Variants in CCDC33 observed in about 807,000 individuals in gnomAD.
CCDC33 encodes coiled-coil domain containing 33.
A neutral mutation model predicts 91.9 loss-of-function variants in CCDC33; 94 were observed. The ratio of observed to expected loss-of-function variants is 1.02; its 90% CI spans 0.87 to 1.21. The LOEUF (loss-of-function observed/expected upper bound fraction) is 1.21, where lower values mean the gene tolerates loss of function less well. Ranked by LOEUF, CCDC33 falls within the 50% of genes most tolerant of loss-of-function variation. The pLI is 0.00. For missense variants in CCDC33, 940 were observed against 935.5 expected (o/e 1.00, Z -0.06); for synonymous variants, 396 against 374.5 (o/e 1.06, Z -0.66).
chr15:74,302,360 G>A (rs1596071395), intron 11 of CCDC33: 1 of 152,232 alleles, frequency 6.6e-6, no homozygotes, highest in East Asian at 1.9e-4. Context: ...GCCAGAGGTG[G>A]GCTCGGTCCT....
At chr15:74,230,585 C>A (rs971013955) in intron 2 of CCDC33, among the ~76,000 whole-genome samples, 3 of 152,190 alleles carry the variant, frequency 2.0e-5, no homozygotes, top group African/African-American at 4.8e-5. Flanking sequence ...AATCCATAAA[C>A]GTGCCTGCTA....
intron 2 of CCDC33, chr15:74,221,135 T>G (rs1262617498): frequency 6.7e-6 from 6 of 895,826 alleles, no homozygotes; most frequent in Non-Finnish European, 8.0e-6. Context: ...GATCAGGCAT[T>G]TCAACAATTG....
At chr15:74,329,156 A>C (rs896812389) in intron 11 of CCDC33, among the ~76,000 whole-genome samples, 1 of 151,070 alleles carries the variant, frequency 6.6e-6, no homozygotes, top group African/African-American at 2.5e-5. Context: ...TAGCCTATTA[A>C]TTTTCATATA....
chr15:74,324,423 C>A (rs908574596), intron 11 of CCDC33, among the ~76,000 whole-genome samples: 6 of 151,956 alleles, frequency 3.9e-5, no homozygotes, highest in Non-Finnish European at 5.9e-5. Flanking sequence ...CTTTGTGTCC[C>A]ATTCAGACCA....
At chr15:74,334,900 G>T in intron 17 of CCDC33, 75 bp from the exon 18 acceptor site, 1 of 1,214,066 alleles carries the variant, frequency 8.2e-7, no homozygotes, top group Non-Finnish European at 1.2e-6. Context: ...GCAGGCTCAG[G>T]CCCTGGTTGT....
intron 18 of CCDC33, 170 bp from the exon 19 acceptor site, chr15:74,335,755 G>A (rs2060553163): frequency 3.2e-6 from 2 of 622,960 alleles, no homozygotes; most frequent in Admixed American, 5.1e-5. Flanking sequence ...GGGACCCTTG[G>A]AGAAATTAGG....
chr15:74,230,681 A>G (rs892703098), intron 2 of CCDC33, among the ~76,000 whole-genome samples: 2 of 152,222 alleles, frequency 1.3e-5, no homozygotes, highest in African/African-American at 4.8e-5. Flanking sequence ...AGCTTGGGCC[A>G]GAGGTGCTCC....
At chr15:74,324,020 G>C (rs2060258350) in intron 11 of CCDC33, among the ~76,000 whole-genome samples, 1 of 150,862 alleles carries the variant, frequency 6.6e-6, no homozygotes, top group South Asian at 2.1e-4. Context: ...CTGAACCCGG[G>C]AGGCGGTTAC....
intron 11 of CCDC33, among the ~76,000 whole-genome samples, chr15:74,325,189 C>G (rs986924497): frequency 1.3e-5 from 2 of 152,000 alleles, no homozygotes; most frequent in Non-Finnish European, 2.9e-5. Context: ...AGGCATCTTG[C>G]CACAAACCCC....
chr15:74,314,384 G>A (rs1257109688), intron 11 of CCDC33, among the ~76,000 whole-genome samples: 2 of 152,244 alleles, frequency 1.3e-5, no homozygotes, highest in Non-Finnish European at 2.9e-5. Flanking sequence ...CTTGGCCTGG[G>A]TGGGGGAAAG....
intron 2 of CCDC33, among the ~76,000 whole-genome samples, chr15:74,222,408 T>TGG (rs201976476): frequency 3.0e-3 from 1 of 338 alleles, no homozygotes; most frequent in African/African-American, 0.012. Flanking sequence ...AGGGGTGCAC[T>TGG]GCTCCTCCCT....
intron 2 of CCDC33, among the ~76,000 whole-genome samples, chr15:74,258,756 G>A (rs1489046878): frequency 6.6e-6 from 1 of 152,164 alleles, no homozygotes; most frequent in African/African-American, 2.4e-5. Context: ...CAAATCCCAT[G>A]CTTTTCCGAT....
chr15:74,334,991 G>C lies in CCDC33; in HGVS notation c.2042G>C (p.Arg681Pro), dbSNP rs767348207. 6.2e-7 allele frequency: 1 copy of C among 1,614,040 alleles called. No homozygotes were observed. The highest frequency in any genetic ancestry group is 8.5e-7 in the Non-Finnish European group (1 of 1,179,940). The change falls in exon 18 of 19, where the codon CGA becomes CCA. Residue 681 changes from arginine (R) to proline (P), a missense_variant. Arg to Pro is a moderately radical substitution (Grantham distance 103, BLOSUM62 -2). Coordinates refer to ENST00000398814, the MANE Select transcript of CCDC33 (RefSeq NM_025055.5). ...TGTCTGCAGTTAGAGGACTCAGCTC[G>C]ACGCTGGGGACGAGAGAAGCAGGAT... ...SLESQLEDSA[R>P]RWGREKQDLA...
intron 11 of CCDC33, among the ~76,000 whole-genome samples, chr15:74,317,905 T>G (rs1241321454): frequency 2.0e-5 from 2 of 98,498 alleles, no homozygotes; most frequent in African/African-American, 3.3e-5. Context: ...TTTTTTTTTT[T>G]TTTTTGCTTC....
intron 11 of CCDC33, chr15:74,318,792 G>T: frequency 1.6e-6 from 1 of 642,314 alleles, no homozygotes; most frequent in South Asian, 1.8e-5. Flanking sequence ...GGGTGGAGAG[G>T]ACCAGGGCTT....
At chr15:74,320,383 C>G (rs2060181704) in intron 11 of CCDC33, among the ~76,000 whole-genome samples, 1 of 152,136 alleles carries the variant, frequency 6.6e-6, no homozygotes, top group African/African-American at 2.4e-5. Context: ...TCCACCCCTC[C>G]CCTGCAGGAT....
At chr15:74,283,516 A>C (rs1596024632) in intron 10 of CCDC33, among the ~76,000 whole-genome samples, 1 of 152,212 alleles carries the variant, frequency 6.6e-6, no homozygotes, top group East Asian at 1.9e-4. Flanking sequence ...GAGCTGTGCT[A>C]AGTGCAGAAT....
At chr15:74,258,548 G>A (rs952037303) in intron 2 of CCDC33, among the ~76,000 whole-genome samples, 3 of 152,174 alleles carry the variant, frequency 2.0e-5, no homozygotes, top group Admixed American at 2.0e-4. Context: ...CCTGAGGACT[G>A]GGTAACAAGA....
Position 74,293,301 on chromosome 15 carries a change from T to C in CCDC33, c.1096-2453T>C, listed in dbSNP as rs77841884. 1.2e-4 allele frequency among the ~76,000 whole-genome samples: 18 copies of C among 152,322 alleles called. No individual in the cohort carries two copies. In the East Asian group the frequency reaches 2.3e-3, roughly 20 times the overall value. ...CTGGAAATGAGCAGAAATGTCATTA[T>C]AGGTCCTGAATCAGCATCTCACCAC... On this transcript the variant is annotated intron_variant, in intron 10 of 18. Transcript: ENST00000398814.
Sources: gnomAD v4.1 joint callset for allele counts (sites outside exome capture counted in the v4.1 genomes callset) on GRCh38, gnomAD v4.1.1 for gene constraint, MANE v1.5 for transcripts, NCBI Gene and HGNC (gene_info 2026-07-23, HGNC 2026-07-21) for gene names.